The following PIK3C2G variants were observed in gnomAD, a reference collection of about 807,000 sequenced individuals.
The protein encoded by PIK3C2G is phosphatidylinositol 3-kinase C2 domain-containing subunit gamma.
A neutral mutation model predicts 181.1 loss-of-function variants in PIK3C2G; 168 were observed. That is an observed-to-expected ratio of 0.93 (90% CI 0.82 to 1.05). The LOEUF is 1.05. Ranked by LOEUF, PIK3C2G falls within the 50% of genes least tolerant of loss-of-function variation. The probability of loss-of-function intolerance (pLI) is 0.00; values close to 1 mark genes in which losing one functional copy is unlikely to be tolerated. For missense variants in PIK3C2G, 1,869 were observed against 1,732.8 expected, an observed-to-expected ratio of 1.08 and a Z score of -1.40; for synonymous variants, 573 against 592.2, an observed-to-expected ratio of 0.97 and a Z score of 0.47.
At chr12:18,294,779 A>G (rs994139456) in intron 5 of PIK3C2G, among the ~76,000 whole-genome samples, 1 of 151,964 alleles carries the variant, frequency 6.6e-6, no homozygotes, top group Non-Finnish European at 1.5e-5. Flanking sequence ...AATACAGTAG[A>G]TCCCTATTTA....
At chr12:18,584,101 T>G (rs1277780663) in intron 29 of PIK3C2G, among the ~76,000 whole-genome samples, 1 of 151,250 alleles carries the variant, frequency 6.6e-6, no homozygotes, top group East Asian at 1.9e-4. Context: ...TGATCTCGGC[T>G]CACCACAAGG....
intron 29 of PIK3C2G, among the ~76,000 whole-genome samples, chr12:18,582,759 C>T (rs796514689): frequency 2.0e-5 from 3 of 152,002 alleles, no homozygotes; most frequent in East Asian, 3.9e-4. Context: ...GCAGCCTTAG[C>T]AGTTACTGCC....
intron 31 of PIK3C2G, among the ~76,000 whole-genome samples, chr12:18,636,618 A>C (rs633439): frequency 0.37 from 55,980 of 152,028 alleles, 12,111 homozygotes; most frequent in Admixed American, 0.52. Flanking sequence ...TAATTTGTGT[A>C]AGCAGTGAAA....
intron 24 of PIK3C2G, among the ~76,000 whole-genome samples, chr12:18,519,530 G>C (rs1187001036): frequency 1.3e-5 from 2 of 152,058 alleles, no homozygotes; most frequent in Admixed American, 6.6e-5. Context: ...CAGAGACTAG[G>C]ATTACAACCC....
At chr12:18,467,714 A>T (rs892578181) in intron 18 of PIK3C2G, among the ~76,000 whole-genome samples, 5 of 151,916 alleles carry the variant, frequency 3.3e-5, no homozygotes, top group Non-Finnish European at 7.4e-5. Flanking sequence ...CCATCTCTAA[A>T]ACTGCATCTG....
chr12:18,347,626 A>G (rs1939794798), intron 11 of PIK3C2G, among the ~76,000 whole-genome samples: 1 of 152,158 alleles, frequency 6.6e-6, no homozygotes, highest in African/African-American at 2.4e-5. Flanking sequence ...CCTGGACAAA[A>G]TGGTGAAACC....
intron 29 of PIK3C2G, among the ~76,000 whole-genome samples, chr12:18,585,830 A>G (rs1478057242): frequency 6.6e-6 from 1 of 152,192 alleles, no homozygotes; most frequent in Non-Finnish European, 1.5e-5. Context: ...CAAAATAACC[A>G]GAATGATACC....
At chr12:18,701,542 C>T in the PIK3C2G span, 29 of 1,613,956 alleles carry the variant, frequency 1.8e-5, 1 homozygote, top group Middle Eastern at 3.3e-4. Context: ...AACTTTTTTA[C>T]CCCTGTTTCC....
intron 28 of PIK3C2G, among the ~76,000 whole-genome samples, chr12:18,565,830 A>C (rs540460774): frequency 2.0e-5 from 3 of 152,288 alleles, no homozygotes; most frequent in African/African-American, 7.2e-5. Flanking sequence ...CAACAAGGAA[A>C]ACTCACACGG....
At chr12:18,515,525 G>T (rs1478209716) in intron 24 of PIK3C2G, among the ~76,000 whole-genome samples, 1 of 151,892 alleles carries the variant, frequency 6.6e-6, no homozygotes, top group Non-Finnish European at 1.5e-5. Context: ...GCCCATAATA[G>T]TCTCTTCTGA....
the PIK3C2G span, among the ~76,000 whole-genome samples, chr12:18,667,773 A>G: frequency 6.6e-6 from 1 of 152,208 alleles, no homozygotes; most frequent in East Asian, 1.9e-4. Context: ...TAAAGTTAAG[A>G]AATGTCCTTG....
chr12:18,476,999 T>C (rs1939069314), intron 18 of PIK3C2G, among the ~76,000 whole-genome samples: 2 of 152,052 alleles, frequency 1.3e-5, no homozygotes, highest in South Asian at 4.1e-4. Flanking sequence ...AATTTCAAGA[T>C]CGAGGTGCCA....
chr12:18,649,578 C>T (rs1490002161), downstream of PIK3C2G, among the ~76,000 whole-genome samples: 2 of 152,136 alleles, frequency 1.3e-5, no homozygotes, highest in Non-Finnish European at 2.9e-5. Flanking sequence ...CAGCAAAACT[C>T]TTCAAAATGG....
chr12:18,526,755 G>A (rs1464492595), intron 24 of PIK3C2G, among the ~76,000 whole-genome samples: 1 of 152,024 alleles, frequency 6.6e-6, no homozygotes, highest in African/African-American at 2.4e-5. Context: ...TTTAAATAGT[G>A]CTTTGGATGT....
At chr12:18,711,085 A>G in the PIK3C2G span, among the ~76,000 whole-genome samples, 6 of 152,074 alleles carry the variant, frequency 3.9e-5, no homozygotes, top group Non-Finnish European at 7.4e-5. Flanking sequence ...ATATGCACAT[A>G]TATGTTTATT....
chr12:18,473,723 T>C (rs1488844492), intron 18 of PIK3C2G, among the ~76,000 whole-genome samples: 1 of 152,184 alleles, frequency 6.6e-6, no homozygotes, highest in East Asian at 1.9e-4. Flanking sequence ...ATTACTGCTA[T>C]TGTTGTTATG....
intron 31 of PIK3C2G, among the ~76,000 whole-genome samples, chr12:18,625,914 G>C (rs1413973738): frequency 6.6e-6 from 1 of 151,818 alleles, no homozygotes; most frequent in East Asian, 1.9e-4. Flanking sequence ...GTCCTTAAAA[G>C]TGAAGTGAAC....
the PIK3C2G span, chr12:18,705,260 T>C: frequency 6.2e-7 from 1 of 1,614,086 alleles, no homozygotes; most frequent in Non-Finnish European, 8.5e-7. Flanking sequence ...CATTACTTCT[T>C]GTTGGGCAGT....
the PIK3C2G span, among the ~76,000 whole-genome samples, chr12:18,657,829 G>A: frequency 2.0e-5 from 3 of 151,936 alleles, no homozygotes; most frequent in Admixed American, 2.0e-4. Flanking sequence ...AGAAAAAAAA[G>A]GAAAGTAATA....
Sources: allele counts gnomAD v4.1 joint callset (sites outside exome capture counted in the v4.1 genomes callset), GRCh38; gene constraint gnomAD v4.1.1; transcripts MANE v1.5; gene names NCBI Gene and HGNC (gene_info 2026-07-23, HGNC 2026-07-21).